Variants in IGF2BP3 observed in about 807,000 individuals in gnomAD.
The protein encoded by IGF2BP3 is insulin like growth factor 2 mRNA binding protein 3, also known as insulin-like growth factor 2 mRNA-binding protein 3.
A neutral mutation model predicts 73.8 loss-of-function variants in IGF2BP3; 9 were observed. The ratio of observed to expected loss-of-function variants is 0.12; its 90% CI spans 0.07 to 0.21. The LOEUF is 0.21. Ranked by LOEUF, IGF2BP3 falls within the 10% of genes least tolerant of loss-of-function variation. The pLI is 1.00. For missense variants in IGF2BP3, 542 were observed against 714.0 expected (o/e 0.76, Z 2.75); for synonymous variants, 258 against 256.7 (o/e 1.01, Z -0.05).
At chr7:23,369,415 G>A (rs1026719898) in intron 3 of IGF2BP3, among the ~76,000 whole-genome samples, 2 of 152,074 alleles carry the variant, frequency 1.3e-5, no homozygotes, top group Non-Finnish European at 2.9e-5. Flanking sequence ...TATAAAATAT[G>A]TCCCAGCCCC....
intron 3 of IGF2BP3, among the ~76,000 whole-genome samples, chr7:23,391,051 G>T (rs138678098): frequency 2.7e-5 from 4 of 150,362 alleles, no homozygotes; most frequent in Admixed American, 2.0e-4. Context: ...TGCCCGTCTC[G>T]GCCTCCCAAA....
chr7:23,338,022 A>C (rs777134785), intron 10 of IGF2BP3, among the ~76,000 whole-genome samples: 8 of 151,268 alleles, frequency 5.3e-5, no homozygotes, highest in Non-Finnish European at 8.9e-5. Flanking sequence ...AATTTAAGCC[A>C]TTTTTTTTTC....
chr7:23,350,099 T>C (rs2128504296), intron 6 of IGF2BP3, among the ~76,000 whole-genome samples: 2 of 152,306 alleles, frequency 1.3e-5, no homozygotes, highest in East Asian at 3.9e-4. Context: ...CAGGTGGGTA[T>C]GGACCACCAC....
chr7:23,371,726 T>C (rs1053674423), intron 3 of IGF2BP3, among the ~76,000 whole-genome samples: 14 of 152,204 alleles, frequency 9.2e-5, no homozygotes, highest in African/African-American at 3.1e-4. Context: ...GCCTCCATCA[T>C]ACCACACGGA....
chr7:23,333,916 A>C (rs1333696246), intron 10 of IGF2BP3, among the ~76,000 whole-genome samples: 1 of 152,212 alleles, frequency 6.6e-6, no homozygotes, highest in East Asian at 1.9e-4. Flanking sequence ...GCATCTTCTT[A>C]ACCAAAGATT....
chr7:23,365,347 T>C (rs949806684), intron 3 of IGF2BP3, among the ~76,000 whole-genome samples: 3 of 152,204 alleles, frequency 2.0e-5, no homozygotes, highest in African/African-American at 7.2e-5. Flanking sequence ...TAATTAAGTA[T>C]ATTAGTCTCC....
chr7:23,453,835 GT>G (rs1391426445), intron 2 of IGF2BP3, among the ~76,000 whole-genome samples: 3 of 151,874 alleles, frequency 2.0e-5, no homozygotes, highest in African/African-American at 4.8e-5. Context: ...AGACAAGGGT[GT>G]TTTTTTTGTT....
chr7:23,408,977 G>T (rs1233230021), intron 3 of IGF2BP3, among the ~76,000 whole-genome samples: 3 of 76,066 alleles, frequency 3.9e-5, no homozygotes, highest in Non-Finnish European at 6.0e-5. Flanking sequence ...GAGTGGGGAT[G>T]GGGGGGATGG....
At chr7:23,398,653 C>G (rs1456949344) in intron 3 of IGF2BP3, among the ~76,000 whole-genome samples, 7 of 152,180 alleles carry the variant, frequency 4.6e-5, no homozygotes, top group African/African-American at 1.7e-4. Flanking sequence ...TTGCATTTCT[C>G]TGATGGCCAG....
intron 3 of IGF2BP3, among the ~76,000 whole-genome samples, chr7:23,401,021 A>G (rs12700434): frequency 0.32 from 48,777 of 151,998 alleles, 7,988 homozygotes; most frequent in African/African-American, 0.37. Flanking sequence ...GGTTGGTCTC[A>G]AACTCCTGAC....
intron 3 of IGF2BP3, chr7:23,415,174 C>A: frequency 8.6e-6 from 2 of 232,768 alleles, no homozygotes. Flanking sequence ...CAGCAGGTCC[C>A]GTCCGTCAGT....
intron 5 of IGF2BP3, among the ~76,000 whole-genome samples, chr7:23,353,869 A>G (rs935440442): frequency 4.6e-5 from 7 of 152,288 alleles, no homozygotes; most frequent in African/African-American, 1.7e-4. Flanking sequence ...GGGACCTAAA[A>G]TATTTTGGTT....
At chr7:23,317,014 A>G (rs1784009966) in intron 12 of IGF2BP3, among the ~76,000 whole-genome samples, 1 of 152,198 alleles carries the variant, frequency 6.6e-6, no homozygotes, top group Admixed American at 6.5e-5. Context: ...CCAATGTCAT[A>G]CAAGGCAAAT....
intron 2 of IGF2BP3, among the ~76,000 whole-genome samples, chr7:23,452,941 A>G (rs1051660536): frequency 2.0e-5 from 3 of 151,998 alleles, no homozygotes; most frequent in Non-Finnish European, 4.4e-5. Flanking sequence ...GTAAAACCCC[A>G]TCTCTACTAA....
intron 3 of IGF2BP3, among the ~76,000 whole-genome samples, chr7:23,375,089 G>C (rs1785678033): frequency 6.6e-6 from 1 of 152,138 alleles, no homozygotes; most frequent in Non-Finnish European, 1.5e-5. Flanking sequence ...TTTCACACTA[G>C]AGTGTCAAAT....
chr7:23,342,183 C>T lies in IGF2BP3; in HGVS notation c.1084G>A (p.Ala362Thr). The T allele has an allele frequency of 1.2e-6, 2 of 1,613,662 alleles. No individual in the cohort carries two copies. Among genetic ancestry groups the T allele is most frequent in the Admixed American group, 1.7e-5 (1 of 59,978 alleles). ...ENDIASMNLQ[A>T]HLIPGLNLNA... ...AGATTTAATCCAGGAATTAAATGTG[C>T]TTGAAGCTGCAACAGTAAAAAGGCC... Residue 362 changes from alanine to threonine, a missense_variant, in exon 10 of 15, where the codon GCA becomes ACA. Physicochemically the swap from Ala to Thr is moderately conservative, Grantham distance 58. Transcript: ENST00000258729.
intron 10 of IGF2BP3, among the ~76,000 whole-genome samples, chr7:23,339,051 T>G (rs1228964067): frequency 6.6e-6 from 1 of 152,252 alleles, no homozygotes; most frequent in African/African-American, 2.4e-5. Flanking sequence ...TGCCTGTCCT[T>G]GAAACCACCA....
At chr7:23,393,114 C>T (rs1252327531) in intron 3 of IGF2BP3, among the ~76,000 whole-genome samples, 6 of 152,116 alleles carry the variant, frequency 3.9e-5, no homozygotes, top group Non-Finnish European at 5.9e-5. Context: ...ATCAAGAGAA[C>T]TTGCTTTCAT....
chr7:23,432,491 G>A (rs1241849312), intron 2 of IGF2BP3, among the ~76,000 whole-genome samples: 5 of 151,898 alleles, frequency 3.3e-5, no homozygotes, highest in Admixed American at 1.3e-4. Context: ...AGAAGGGCAC[G>A]CACATCTTAA....
Sources: gnomAD v4.1 joint callset for allele counts (sites outside exome capture counted in the v4.1 genomes callset) on GRCh38, gnomAD v4.1.1 for gene constraint, MANE v1.5 for transcripts, NCBI Gene and HGNC (gene_info 2026-07-23, HGNC 2026-07-21) for gene names.